The following NXPE3 variants were observed in gnomAD, a reference collection of about 807,000 sequenced individuals.
NXPE3 encodes the protein neurexophilin and PC-esterase domain family member 3.
In NXPE3, 26 loss-of-function variants were observed where a neutral mutation model predicts 46.1. The ratio of observed to expected loss-of-function variants is 0.56; its 90% confidence interval spans 0.41 to 0.78. The LOEUF is 0.78. Among genes scored for constraint, NXPE3 ranks in the 30% least tolerant of loss-of-function variants. The probability of loss-of-function intolerance (pLI) is 0.00; values close to 1 mark genes in which losing one functional copy is unlikely to be tolerated. For missense variants in NXPE3, 620 were observed against 686.0 expected (o/e 0.90, Z 1.07); for synonymous variants, 272 against 257.9 (o/e 1.05, Z -0.52).
At chr3:101,819,897 C>T (rs1942167988) in intron 7 of NXPE3, among the ~76,000 whole-genome samples, 1 of 152,172 alleles carries the variant, frequency 6.6e-6, no homozygotes, top group Non-Finnish European at 1.5e-5. Flanking sequence ...ATTGCACCTA[C>T]CCGTCTAGCA....
chr3:101,819,560 CA>C (rs1942155528), intron 7 of NXPE3, among the ~76,000 whole-genome samples: 1 of 151,886 alleles, frequency 6.6e-6, no homozygotes, highest in Non-Finnish European at 1.5e-5. Context: ...TTGCTTATTG[CA>C]AAAAGAGGTG....
chr3:101,783,880 C>T (rs112303003), intron 3 of NXPE3, among the ~76,000 whole-genome samples: 65 of 152,184 alleles, frequency 4.3e-4, no homozygotes, highest in African/African-American at 1.5e-3. Flanking sequence ...AAGTTATAGA[C>T]AGTTTGAGGT....
chr3:101,794,915 A>G (rs1389004486), intron 4 of NXPE3, among the ~76,000 whole-genome samples: 1 of 152,244 alleles, frequency 6.6e-6, no homozygotes. Context: ...GCAGGTATCA[A>G]TATTGAATAA....
Position 101,821,482 on chromosome 3 carries a change from T to C in NXPE3, c.1208T>C (p.Leu403Pro). ...GTGGACCAGAAGCACAACATCCTGC[T>C]CAAATACCGCTGCCATGGTCCACCC... is the stretch of plus-strand genomic sequence containing the variant. ...LAVDQKHNIL[L>P]KYRCHGPPIR... Residue 403 changes from leucine (L) to proline (P), a missense_variant, in exon 8 of 8, where the codon CTC becomes CCC. Physicochemically the swap from Leu to Pro is moderately conservative, Grantham distance 98. Around this residue, in one of 3 missense-constraint regions of NXPE3, gnomAD observed 511 missense variants for 528.6 expected, o/e 0.97. Transcript: ENST00000273347. 6.2e-7 allele frequency: 1 copy of C among 1,614,194 alleles called. No individual in the cohort carries two copies. The highest frequency in any genetic ancestry group is 8.5e-7 in the Non-Finnish European group (1 of 1,180,042).
At chr3:101,786,365 C>CT (rs1560037050) in intron 4 of NXPE3, among the ~76,000 whole-genome samples, 1 of 152,114 alleles carries the variant, frequency 6.6e-6, no homozygotes, top group African/African-American at 2.4e-5. Flanking sequence ...CATTTCTTTT[C>CT]TTATTGGGTT....
At chr3:101,806,954 C>T (rs1941446278) in intron 5 of NXPE3, 99 bp from the exon 6 acceptor site, 1 of 809,692 alleles carries the variant, frequency 1.2e-6, no homozygotes, top group Non-Finnish European at 2.1e-6. Context: ...CATAATAAGG[C>T]TCCGTGAAAT....
chr3:101,797,655 A>C (rs1276620829), intron 4 of NXPE3, among the ~76,000 whole-genome samples: 1 of 86,346 alleles, frequency 1.2e-5, no homozygotes, highest in South Asian at 4.9e-4. Flanking sequence ...ATTCCCACCT[A>C]TGAGTGAGAA....
chr3:101,815,100 G>A (rs1356914333), intron 6 of NXPE3, among the ~76,000 whole-genome samples: 7 of 152,216 alleles, frequency 4.6e-5, no homozygotes. Context: ...AGCATGTAAC[G>A]TGTGGCATTT....
At chr3:101,815,724 C>T (rs1443912606) in intron 6 of NXPE3, among the ~76,000 whole-genome samples, 11 of 152,154 alleles carry the variant, frequency 7.2e-5, no homozygotes, top group African/African-American at 2.4e-4. Context: ...ATTGGCCAGG[C>T]GTGGTGGCTC....
rs571349619 is a variant in NXPE3, at chr3:101,787,199, C to T, written c.93+1510C>T. Among the ~76,000 whole-genome samples the T allele has an allele frequency of 7.2e-5, 11 of 152,092 alleles. No individual in the cohort carries two copies. In the South Asian group the frequency reaches 1.9e-3, roughly 26 times the overall value. ...AAAAAACAATGATTACCCATTCCTG[C>T]CTATCCCCTGCCCCTGGCATTCACT... On this transcript the variant is annotated intron_variant, in intron 4 of 7. Coordinates refer to ENST00000273347, the MANE Select transcript of NXPE3 (RefSeq NM_145037.4).
At chr3:101,807,215 T>A in intron 6 of NXPE3, 89 bp downstream of exon 6, 1 of 879,262 alleles carries the variant, frequency 1.1e-6, no homozygotes, top group Non-Finnish European at 1.9e-6. Context: ...CAAAAACTTA[T>A]ATGCCATAGT....
chr3:101,825,306 A>G lies in NXPE3; in HGVS notation c.*3352A>G, dbSNP rs1433136626. 6.6e-6 allele frequency: 1 copy of G among 152,230 alleles called. No homozygotes were observed. Among genetic ancestry groups the G allele is most frequent in the Non-Finnish European group, 1.5e-5 (1 of 68,038 alleles). The allele number at this position is 152,230 out of a possible 1,614,324, so 9.4% of individuals were successfully genotyped here. On this transcript the variant is annotated 3_prime_UTR_variant, in exon 8 of 8. Coordinates refer to ENST00000273347, the MANE Select transcript of NXPE3 (RefSeq NM_145037.4). ...CTCTGGTGTGGAAATTTTGATAGAGATTCCAATATCACTTAAACGTTTCCC... is the reference window on the plus strand; with the variant it reads ...CTCTGGTGTGGAAATTTTGATAGAGGTTCCAATATCACTTAAACGTTTCCC...
chr3:101,807,094 A>T lies in NXPE3; in HGVS notation c.890A>T (p.Asp297Val). ...IKMPVNSSGP[D>V]WVTVIPRRIK... ...ATGCCAGTCAACTCCAGTGGACCTG[A>T]TTGGGTAACTGTGATTCCCAGGAGA... The change falls in exon 6 of 8, where the codon GAT becomes GTT. Residue 297 changes from aspartate (D) to valine (V), a missense_variant. Transcript: ENST00000273347. 6.2e-7 allele frequency: 1 copy of T among 1,613,586 alleles called. No individual in the cohort carries two copies. The highest frequency in any genetic ancestry group is 8.5e-7 in the Non-Finnish European group (1 of 1,179,542).
At chr3:101,812,629 G>A (rs560946975) in intron 6 of NXPE3, among the ~76,000 whole-genome samples, 3 of 151,876 alleles carry the variant, frequency 2.0e-5, no homozygotes, top group South Asian at 2.1e-4. Context: ...TGGCTAACAC[G>A]GTGAAACCCC....
intron 3 of NXPE3, 83 bp from the exon 4 acceptor site, chr3:101,785,319 G>C: frequency 2.8e-6 from 1 of 361,886 alleles, no homozygotes; most frequent in Non-Finnish European, 5.3e-6. Flanking sequence ...TAAGGTTAAG[G>C]AAGAGGAAAT....
intron 6 of NXPE3, among the ~76,000 whole-genome samples, chr3:101,812,656 C>G (rs972239771): frequency 6.6e-6 from 1 of 151,448 alleles, no homozygotes; most frequent in Non-Finnish European, 1.5e-5. Context: ...ACTAAAAATG[C>G]AAAAAACTAG....
chr3:101,801,366 C>T lies in NXPE3; in HGVS notation c.225C>T (p.Arg75=). The change falls in exon 5 of 8, where the codon CGC becomes CGT. Residue 75 remains arginine, a synonymous_variant. Coordinates refer to ENST00000273347, the MANE Select transcript of NXPE3 (RefSeq NM_145037.4). ...YDQQTLSSQE[R]MEEDSLLAAL... ...AGCAGACCCTGTCCAGCCAGGAGCG[C>T]ATGGAGGAGGACTCCTTGCTGGCTG... 3 of 1,614,234 alleles carry T rather than the reference C, an allele frequency of 1.9e-6. No homozygotes were observed. Among genetic ancestry groups the T allele is most frequent in the African/African-American group, 1.3e-5 (1 of 75,066 alleles).
chr3:101,796,066 G>A (rs1342229165), intron 4 of NXPE3, among the ~76,000 whole-genome samples: 1 of 152,206 alleles, frequency 6.6e-6, no homozygotes, highest in Non-Finnish European at 1.5e-5. Flanking sequence ...CTGCATGCAA[G>A]CATAAGCCTC....
At position 101,821,639 on chromosome 3, in the gene NXPE3, G is replaced by A. The variant is rs2107363629; in HGVS notation, c.1365G>A (p.Val455=). The change falls in exon 8 of 8, where the codon GTG becomes GTA. Residue 455 remains valine (V), a synonymous_variant. Coordinates refer to ENST00000273347, the MANE Select transcript of NXPE3 (RefSeq NM_145037.4). ...ACTTCAGCACCTTCCCTTTGGAAGTGTACATCCGGCGGCTCAGGAACATCC... is the reference window on the plus strand; with the variant it reads ...ACTTCAGCACCTTCCCTTTGGAAGTATACATCCGGCGGCTCAGGAACATCC... The part of the protein sequence containing the change: ...WSHFSTFPLE[V]YIRRLRNIRR... 1.2e-6 allele frequency: 2 copies of A among 1,614,236 alleles called. No homozygotes were observed. Among genetic ancestry groups the A allele is most frequent in the Non-Finnish European group, 1.7e-6 (2 of 1,180,040 alleles).
Sources: gnomAD v4.1 joint callset for allele counts (sites outside exome capture counted in the v4.1 genomes callset) on GRCh38, gnomAD v4.1.1 for gene constraint, gnomAD v4.1.1 regional missense constraint, MANE v1.5 for transcripts, NCBI Gene and HGNC (gene_info 2026-07-23, HGNC 2026-07-21) for gene names.